Variants in OTUD7A observed in about 807,000 individuals in gnomAD.
OTUD7A encodes OTU domain-containing protein 7A.
OTUD7A carries 12 observed loss-of-function variants against 65.7 expected under a neutral mutation model. That is an observed-to-expected ratio of 0.18 (90% CI 0.12 to 0.30). The LOEUF (loss-of-function observed/expected upper bound fraction) is 0.30. Among genes scored for constraint, OTUD7A ranks in the 10% least tolerant of loss-of-function variants. The pLI, the probability that OTUD7A is intolerant of heterozygous loss-of-function variation, is 1.00. For missense variants in OTUD7A, 1,148 were observed against 1,304.8 expected, an observed-to-expected ratio of 0.88 and a Z score of 1.85; for synonymous variants, 641 against 586.3, an observed-to-expected ratio of 1.09 and a Z score of -1.35.
intron 10 of OTUD7A, among the ~76,000 whole-genome samples, chr15:31,493,641 A>G (rs978890491): frequency 1.3e-5 from 2 of 152,238 alleles, no homozygotes; most frequent in East Asian, 3.8e-4. Flanking sequence ...AGTGCATTAA[A>G]AAGAACAGAA....
At chr15:31,757,928 T>A (rs4779920) in intron 1 of OTUD7A, among the ~76,000 whole-genome samples, 150,457 of 152,312 alleles carry the variant, frequency 0.99, 74,346 homozygotes, top group East Asian at 1. Flanking sequence ...TGTGGCAAGA[T>A]CTGTGTCACC....
At chr15:31,695,255 T>C (rs1379869787) in intron 1 of OTUD7A, among the ~76,000 whole-genome samples, 1 of 141,050 alleles carries the variant, frequency 7.1e-6, no homozygotes, top group African/African-American at 2.5e-5. Flanking sequence ...GGTAACTCTT[T>C]GATGTACTGA....
At chr15:31,617,538 A>G (rs1379758992) in intron 3 of OTUD7A, among the ~76,000 whole-genome samples, 1 of 152,126 alleles carries the variant, frequency 6.6e-6, no homozygotes, top group Non-Finnish European at 1.5e-5. Context: ...ATATACATTT[A>G]TATCTATGTG....
chr15:31,602,878 C>A (rs2141212749), intron 3 of OTUD7A, among the ~76,000 whole-genome samples: 1 of 152,222 alleles, frequency 6.6e-6, no homozygotes, highest in East Asian at 1.9e-4. Flanking sequence ...AGTAACACAA[C>A]TTACAAGGGA....
At position 31,821,167 on chromosome 15, in the gene OTUD7A, T is replaced by C. The variant is rs185616522; in HGVS notation, c.-100+49340A>G. ...TTTTTTTTTTTTTGAGACGGAGTCTTGCTCTGTCACCAGGCTGGAGTGCAG... is the reference window on the plus strand; with the variant it reads ...TTTTTTTTTTTTTGAGACGGAGTCTCGCTCTGTCACCAGGCTGGAGTGCAG... On this transcript the variant is annotated intron_variant, in intron 1 of 12. Transcript: ENST00000307050. Among the ~76,000 whole-genome samples the C allele has an allele frequency of 8.4e-3, 1,221 of 146,172 alleles. 22 individuals are homozygous for C. Among genetic ancestry groups the C allele is most frequent in the African/African-American group, 0.029 (1,160 of 39,726 alleles).
chr15:31,789,988 C>G (rs1237268438), intron 1 of OTUD7A, among the ~76,000 whole-genome samples: 2 of 152,012 alleles, frequency 1.3e-5, no homozygotes, highest in East Asian at 3.8e-4. Flanking sequence ...GGGAGACTGG[C>G]TGACTAATGC....
intron 1 of OTUD7A, among the ~76,000 whole-genome samples, chr15:31,865,027 C>A (rs1282929425): frequency 2.0e-5 from 2 of 98,772 alleles, no homozygotes; most frequent in East Asian, 7.5e-4. Context: ...CCCTTGTGGC[C>A]CCCCCCTGGG....
At chr15:31,844,204 A>G (rs1000294286) in intron 1 of OTUD7A, among the ~76,000 whole-genome samples, 1 of 150,120 alleles carries the variant, frequency 6.7e-6, no homozygotes, top group African/African-American at 2.5e-5. Context: ...GACAGAAAAG[A>G]GAATCAAGAA....
chr15:31,486,862 T>C (rs2041245220), intron 12 of OTUD7A, among the ~76,000 whole-genome samples: 1 of 152,212 alleles, frequency 6.6e-6, no homozygotes, highest in African/African-American at 2.4e-5. Flanking sequence ...TGAGTGGGCG[T>C]GTTGATTCCT....
chr15:31,548,812 G>A (rs1482645636), intron 5 of OTUD7A, among the ~76,000 whole-genome samples: 1 of 152,120 alleles, frequency 6.6e-6, no homozygotes. Context: ...AGGGCTCAGA[G>A]ACAAGCTGTT....
chr15:31,628,614 T>C (rs1891040332), intron 3 of OTUD7A, among the ~76,000 whole-genome samples: 1 of 152,196 alleles, frequency 6.6e-6, no homozygotes, highest in Admixed American at 6.5e-5. Flanking sequence ...AAGTAGTTTT[T>C]TCCAATTCTG....
In OTUD7A at chr15:31,484,014, G is replaced by GGCGGCGGCGGCA. The variant is rs1315143418; in HGVS notation, c.2081_2082insTGCCGCCGCCGC (p.Ala693_Ala696dup). 2 of 1,192,082 alleles carry GGCGGCGGCGGCA rather than the reference G, an allele frequency of 1.7e-6. No individual in the cohort carries two copies. Among genetic ancestry groups the GGCGGCGGCGGCA allele is most frequent in the African/African-American group, 1.6e-5 (1 of 62,116 alleles). 73.8% of individuals were successfully genotyped at this position (1,192,082 alleles called of 1,614,324 possible). ...GCGGCGGCCGCTTGGCCGTGGCGGC[G>GGCGGCGGCGGCA]GCGGCGGCGGCGGCAGCGGCGGCCG... On this transcript the variant is annotated inframe_insertion, in exon 13 of 13. Coordinates refer to ENST00000307050, the MANE Select transcript of OTUD7A (RefSeq NM_001382637.1). The surrounding 1 kb of genome is among the most constrained non-coding windows in gnomAD (Gnocchi z 4.5).
intron 5 of OTUD7A, among the ~76,000 whole-genome samples, chr15:31,535,674 G>GTTTT (rs55826357): frequency 8.9e-5 from 10 of 111,992 alleles, no homozygotes; most frequent in Admixed American, 2.7e-4. Context: ...TTCTGTTTTT[G>GTTTT]TTTTTTTTTT....
intron 3 of OTUD7A, among the ~76,000 whole-genome samples, chr15:31,597,507 G>A (rs1287279897): frequency 6.7e-6 from 1 of 150,262 alleles, no homozygotes; most frequent in Non-Finnish European, 1.5e-5. Context: ...TTTTACAGTT[G>A]TTTCAGCACC....
chr15:31,845,862 G>A (rs1897282632), intron 1 of OTUD7A, among the ~76,000 whole-genome samples: 3 of 152,230 alleles, frequency 2.0e-5, no homozygotes, highest in Admixed American at 6.5e-5. Flanking sequence ...GGGGGTTGGT[G>A]GCTCCCCCAT....
chr15:31,657,748 G>A (rs1892035455), intron 1 of OTUD7A, among the ~76,000 whole-genome samples: 1 of 152,238 alleles, frequency 6.6e-6, no homozygotes. Context: ...GGACTGGGCT[G>A]GTGGGGACAT....
intron 1 of OTUD7A, among the ~76,000 whole-genome samples, chr15:31,795,971 T>C (rs1467667298): frequency 6.6e-6 from 1 of 152,208 alleles, no homozygotes; most frequent in Non-Finnish European, 1.5e-5. Flanking sequence ...CTTCATCTCC[T>C]GAAATGTTCA....
chr15:31,548,182 G>C (rs1262502064), intron 5 of OTUD7A, among the ~76,000 whole-genome samples: 2 of 146,908 alleles, frequency 1.4e-5, no homozygotes, highest in Non-Finnish European at 3.1e-5. Flanking sequence ...GCCGTGATTT[G>C]TGGGCCTCCC....
At chr15:31,752,184 CA>C (rs1894655088) in intron 1 of OTUD7A, among the ~76,000 whole-genome samples, 1 of 152,070 alleles carries the variant, frequency 6.6e-6, no homozygotes, top group African/African-American at 2.4e-5. Flanking sequence ...AAGAAAAACA[CA>C]AAATGTATAC....
Sources: allele counts gnomAD v4.1 joint callset (sites outside exome capture counted in the v4.1 genomes callset), GRCh38; gene constraint gnomAD v4.1.1; non-coding constraint Gnocchi (gnomAD v3.1); transcripts MANE v1.5; gene names NCBI Gene and HGNC (gene_info 2026-07-23, HGNC 2026-07-21).